The following KIF7 variants were observed in gnomAD, a reference collection of about 807,000 sequenced individuals.
The protein encoded by KIF7 is kinesin-like protein KIF7.
KIF7 carries 104 observed loss-of-function variants against 135.7 expected under a neutral mutation model. The ratio of observed to expected loss-of-function variants is 0.77; its 90% CI spans 0.65 to 0.90. KIF7 has a LOEUF of 0.90. Among genes scored for constraint, KIF7 ranks in the 40% least tolerant of loss-of-function variants. The pLI is 0.00. For missense variants in KIF7, 2,005 were observed against 1,839.1 expected, an observed-to-expected ratio of 1.09 and a Z score of -1.65; for synonymous variants, 883 against 809.4, an observed-to-expected ratio of 1.09 and a Z score of -1.54.
intron 11 of KIF7, among the ~76,000 whole-genome samples, chr15:89,640,672 C>T (rs527562408): frequency 1.3e-4 from 19 of 151,658 alleles, no homozygotes; most frequent in East Asian, 3.9e-4. Context: ...GCTAGGTGGG[C>T]GAGATCATAT....
chr15:89,645,426 T>C lies in KIF7; in HGVS notation c.1948A>G (p.Arg650Gly). 6.2e-7 allele frequency: 1 copy of C among 1,613,722 alleles called. No individual in the cohort carries two copies. The highest frequency in any genetic ancestry group is 8.5e-7 in the Non-Finnish European group (1 of 1,179,770). ...AGACTCCCTGGGCGTGCCCCCGCCC[T>C]CTGACTGCAGTTGCTGATCCTATTT... Reference protein sequence around the residue: ...RRNRISNCSQRAGARPGSLPE... With the variant: ...RRNRISNCSQGAGARPGSLPE... The change falls in exon 9 of 19, where the codon AGG becomes GGG. Residue 650 changes from arginine (R) to glycine (G), a missense_variant. Transcript: ENST00000394412.
At position 89,646,032 on chromosome 15, in the gene KIF7, G is replaced by T. The variant is rs1368311270; in HGVS notation, c.1789-6C>A. The stretch of plus-strand genomic sequence containing the variant: ...TCCCTGCCATTTGTCACCTGCTAGG[G>T]GAGTGAGCCATTTCCCATCCCAAGT... On this transcript the variant is annotated splice_region_variant and splice_polypyrimidine_tract_variant and intron_variant, in intron 7 of 18. Transcript: ENST00000394412. 6.2e-7 allele frequency: 1 copy of T among 1,613,628 alleles called. No homozygotes were observed. Among genetic ancestry groups the T allele is most frequent in the Non-Finnish European group, 8.5e-7 (1 of 1,179,966 alleles).
chr15:89,638,475 A>G (rs1963855640), intron 11 of KIF7, among the ~76,000 whole-genome samples: 2 of 151,636 alleles, frequency 1.3e-5, no homozygotes, highest in South Asian at 4.2e-4. Flanking sequence ...TCAATGTACA[A>G]AAATCACAAG....
At chr15:89,655,509 C>A (rs1290960374), upstream of KIF7, 2 of 152,094 alleles carry the variant, frequency 1.3e-5, no homozygotes, top group African/African-American at 4.8e-5. Context: ...GCCCCCCCCT[C>A]ACCCGCAACT....
At chr15:89,627,779 C>T (rs962817879), downstream of KIF7, 1 of 152,672 alleles carries the variant, frequency 6.5e-6, no homozygotes, top group African/African-American at 2.4e-5. Context: ...TCGTTTCCAC[C>T]AAGAGTGCCC....
At chr15:89,638,155 A>C (rs1385608886) in intron 11 of KIF7, among the ~76,000 whole-genome samples, 1 of 148,676 alleles carries the variant, frequency 6.7e-6, no homozygotes, top group Non-Finnish European at 1.5e-5. Flanking sequence ...CGTATCTCAA[A>C]ATCATAAGAG....
rs1011116318 is a variant in KIF7, at chr15:89,652,766, A to G, written c.165T>C (p.Phe55=). The G allele has an allele frequency of 6.4e-6, 10 of 1,551,508 alleles. No individual in the cohort carries two copies. The highest frequency in any genetic ancestry group is 3.3e-4 in the Middle Eastern group (2 of 6,008). Residue 55 remains phenylalanine (F), a synonymous_variant, in exon 2 of 19, where the codon TTT becomes TTC. Coordinates refer to ENST00000394412, the MANE Select transcript of KIF7 (RefSeq NM_198525.3). ...CCTCGGCCAGCACCACGTGGAAGCC[A>G]AAGTGTCGGTCACGGCCCAGAGTGA... ...GRVTLGRDRH[F]GFHVVLAEDA... is the part of the protein sequence containing the mutation.
In KIF7 at chr15:89,628,226, G is replaced by A. The variant is rs190473830; in HGVS notation, c.*193C>T. On this transcript the variant is annotated 3_prime_UTR_variant, in exon 19 of 19. Coordinates refer to ENST00000394412, the MANE Select transcript of KIF7 (RefSeq NM_198525.3). ...TCATGGAAGTAAGTGGTGGGAATTT[G>A]CATATTATTTTGTTAAATGAGGGTC... 5.5e-4 allele frequency: 330 copies of A among 605,356 alleles called. 1 individual carries two copies. Among genetic ancestry groups the A allele is most frequent in the Non-Finnish European group, 2.2e-5 (8 of 355,954 alleles). 37.5% of individuals were successfully genotyped at this position (605,356 alleles called of 1,614,324 possible).
At position 89,633,008 on chromosome 15, in the gene KIF7, TAGGG is replaced by T. The variant is rs3840030; in HGVS notation, c.2719-16_2719-13del. On this transcript the variant is annotated splice_polypyrimidine_tract_variant and intron_variant, in intron 13 of 18. Transcript: ENST00000394412. The stretch of plus-strand genomic sequence containing the variant: ...TGCTCCTCAATCTTCTAAGGAAAAG[TAGGG>T]AGGGAGGGAGGGAACTCAGGGCCCA... The T allele has an allele frequency of 2.0e-4, 217 of 1,090,270 alleles. No individual in the cohort carries two copies. Among genetic ancestry groups the T allele is most frequent in the African/African-American group, 4.2e-4 (25 of 60,226 alleles). 67.5% of individuals were successfully genotyped at this position (1,090,270 alleles called of 1,614,324 possible). A position where few individuals can be genotyped will look rare whatever the true frequency, so the allele number is the denominator to read the frequency against.
At chr15:89,632,791 T>C in intron 14 of KIF7, 29 bp downstream of exon 14, 1 of 1,593,912 alleles carries the variant, frequency 6.3e-7, no homozygotes, top group Non-Finnish European at 8.5e-7. Flanking sequence ...GGACCTCACC[T>C]GGCAGGATCT....
chr15:89,653,745 TTAGTATTAGTATTAG>T (rs1219320758), intron 1 of KIF7, among the ~76,000 whole-genome samples: 1 of 21,480 alleles, frequency 4.7e-5, no homozygotes, highest in Admixed American at 3.5e-4. Flanking sequence ...AATTTTATTA[TTAGTATTAGTATTAG>T]TATTAGTATT....
intron 1 of KIF7, chr15:89,621,494 C>G (rs751158792): frequency 5.0e-6 from 8 of 1,613,924 alleles, no homozygotes; most frequent in Non-Finnish European, 2.5e-6. Flanking sequence ...GGGTTCAGCT[C>G]GAATGAAAAA....
chr15:89,621,089 G>A (rs1963417497), intron 1 of KIF7, among the ~76,000 whole-genome samples: 2 of 151,138 alleles, frequency 1.3e-5, no homozygotes, highest in South Asian at 2.1e-4. Flanking sequence ...GTGCAATGTC[G>A]TCTCACTGCA....
chr15:89,640,240 T>C (rs952424767), intron 11 of KIF7, among the ~76,000 whole-genome samples: 1 of 152,054 alleles, frequency 6.6e-6, no homozygotes, highest in Non-Finnish European at 1.5e-5. Context: ...CATGTATACA[T>C]ATGTAACTAA....
chr15:89,633,215 C>T lies in KIF7; in HGVS notation c.2644G>A (p.Glu882Lys). The T allele has an allele frequency of 6.3e-7, 1 of 1,596,294 alleles. No homozygotes were observed. Among genetic ancestry groups the T allele is most frequent in the Non-Finnish European group, 8.5e-7 (1 of 1,174,026 alleles). The change falls in exon 13 of 19, where the codon GAA becomes AAA. Residue 882 changes from glutamate to lysine, a missense_variant. Coordinates refer to ENST00000394412, the MANE Select transcript of KIF7 (RefSeq NM_198525.3). ...QQQKILKIKT[E>K]EIAAFQRKRR... Reference sequence around the variant, plus strand: ...TTCCTCTGGAATGCCGCGATCTCTTCCGTCTTAATCTTCAGGATCTTCTGC... The same window carrying T: ...TTCCTCTGGAATGCCGCGATCTCTTTCGTCTTAATCTTCAGGATCTTCTGC...
At chr15:89,647,315 G>C (rs1339028655) in intron 6 of KIF7, among the ~76,000 whole-genome samples, 1 of 152,122 alleles carries the variant, frequency 6.6e-6, no homozygotes, top group Non-Finnish European at 1.5e-5. Flanking sequence ...TGCTGACCTG[G>C]TGACGCCCGG....
intron 11 of KIF7, among the ~76,000 whole-genome samples, chr15:89,640,989 T>C (rs1283776118): frequency 1.3e-5 from 2 of 151,784 alleles, no homozygotes; most frequent in Non-Finnish European, 2.9e-5. Flanking sequence ...AGCAACAGAG[T>C]GAGACTCCGT....
At chr15:89,619,612 G>A (rs1218709721) in intron 1 of KIF7, 1 of 1,290,352 alleles carries the variant, frequency 7.7e-7, no homozygotes, top group Non-Finnish European at 1.1e-6. Flanking sequence ...CATCTTATAT[G>A]TGGTACTATG....
At chr15:89,658,962 C>T (rs1246455137), upstream of KIF7, among the ~76,000 whole-genome samples, 1 of 152,070 alleles carries the variant, frequency 6.6e-6, no homozygotes, top group South Asian at 2.1e-4. Context: ...CATCATCATA[C>T]CTTCATGGTA....
Sources: gnomAD v4.1 joint callset for allele counts (sites outside exome capture counted in the v4.1 genomes callset) on GRCh38, gnomAD v4.1.1 for gene constraint, MANE v1.5 for transcripts, NCBI Gene and HGNC (gene_info 2026-07-23, HGNC 2026-07-21) for gene names.